Variants in CPVL observed in about 807,000 individuals in gnomAD.
CPVL encodes the protein probable serine carboxypeptidase CPVL.
A neutral mutation model predicts 63.7 loss-of-function variants in CPVL; 51 were observed. The observed-to-expected ratio is 0.80, with a 90% CI of 0.64 to 1.01. CPVL has a LOEUF of 1.01. Ranked by LOEUF, CPVL falls within the 50% of genes least tolerant of loss-of-function variation. The probability of loss-of-function intolerance (pLI) is 0.00; values close to 1 mark genes in which losing one functional copy is unlikely to be tolerated. For missense variants in CPVL, 530 were observed against 573.1 expected, an observed-to-expected ratio of 0.92 and a Z score of 0.77; for synonymous variants, 195 against 206.0, an observed-to-expected ratio of 0.95 and a Z score of 0.46.
chr7:29,099,681 C>A (rs1786875473), intron 3 of CPVL, among the ~76,000 whole-genome samples: 1 of 152,222 alleles, frequency 6.6e-6, no homozygotes, highest in African/African-American at 2.4e-5. Context: ...CACTACACTT[C>A]AGCCTGGGCA....
At chr7:29,190,540 C>T (rs1020095438) in intron 1 of CPVL, among the ~76,000 whole-genome samples, 1 of 152,126 alleles carries the variant, frequency 6.6e-6, no homozygotes, top group Non-Finnish European at 1.5e-5. Flanking sequence ...ATTACACCAC[C>T]ATAAGAGCTA....
At chr7:29,138,540 A>G (rs1239959301) in intron 1 of CPVL, among the ~76,000 whole-genome samples, 1 of 152,216 alleles carries the variant, frequency 6.6e-6, no homozygotes, top group Admixed American at 6.5e-5. Context: ...GGATGATCCC[A>G]GATGTGACTT....
intron 5 of CPVL, among the ~76,000 whole-genome samples, chr7:29,158,683 A>T (rs1258083362): frequency 6.6e-6 from 1 of 152,232 alleles, no homozygotes; most frequent in Non-Finnish European, 1.5e-5. Context: ...GTCATTAGAC[A>T]TGGCCGTAGA....
chr7:29,117,732 T>C (rs904346995), intron 2 of CPVL, among the ~76,000 whole-genome samples: 1 of 152,206 alleles, frequency 6.6e-6, no homozygotes, highest in Non-Finnish European at 1.5e-5. Context: ...ACAATGCTTA[T>C]GGATTCTTCA....
intron 5 of CPVL, among the ~76,000 whole-genome samples, chr7:29,173,916 C>T (rs1796929706): frequency 6.6e-6 from 1 of 150,444 alleles, no homozygotes; most frequent in East Asian, 1.9e-4. Context: ...CACACCACTG[C>T]ACTCCAGCCT....
chr7:29,179,182 G>A (rs1797752337), intron 5 of CPVL, among the ~76,000 whole-genome samples: 1 of 152,180 alleles, frequency 6.6e-6, no homozygotes, highest in African/African-American at 2.4e-5. Flanking sequence ...GCTTATTTGT[G>A]TTAGGCCATG....
chr7:29,135,825 G>C (rs1488533322), intron 1 of CPVL, among the ~76,000 whole-genome samples: 1 of 152,102 alleles, frequency 6.6e-6, no homozygotes, highest in African/African-American at 2.4e-5. Context: ...TAGCCTCCCA[G>C]AGTGCTGCTA....
chr7:29,188,161 G>A (rs1798954349), intron 1 of CPVL, among the ~76,000 whole-genome samples: 1 of 152,154 alleles, frequency 6.6e-6, no homozygotes, highest in South Asian at 2.1e-4. Context: ...TTGCTCTAAG[G>A]AACAGAGGCC....
intron 5 of CPVL, among the ~76,000 whole-genome samples, chr7:29,093,103 T>C (rs1220399852): frequency 1.3e-5 from 2 of 152,074 alleles, no homozygotes; most frequent in Admixed American, 6.6e-5. Context: ...GAAGAAACTC[T>C]TGGTTGGCGC....
intron 6 of CPVL, among the ~76,000 whole-genome samples, chr7:29,090,302 G>A (rs1029130011): frequency 6.6e-6 from 1 of 152,184 alleles, no homozygotes; most frequent in Non-Finnish European, 1.5e-5. Flanking sequence ...ACCCGTGAAG[G>A]GAGCCTCTTC....
chr7:29,008,255 G>C (rs1275675794), intron 12 of CPVL, among the ~76,000 whole-genome samples: 1 of 152,176 alleles, frequency 6.6e-6, no homozygotes, highest in Non-Finnish European at 1.5e-5. Context: ...GTTGGGAAAG[G>C]AAACAGAGGC....
At chr7:29,118,841 AC>A (rs1486740565) in intron 2 of CPVL, among the ~76,000 whole-genome samples, 1 of 152,178 alleles carries the variant, frequency 6.6e-6, no homozygotes, top group African/African-American at 2.4e-5. Context: ...TGCCAGCTTC[AC>A]AGGCACCATC....
intron 2 of CPVL, among the ~76,000 whole-genome samples, chr7:29,186,288 T>C (rs1192128766): frequency 6.6e-6 from 1 of 152,070 alleles, no homozygotes; most frequent in African/African-American, 2.4e-5. Flanking sequence ...TAGGTTCAAA[T>C]TGAAAAACAT....
At position 29,112,731 on chromosome 7, in the gene CPVL, G is replaced by A. The variant is rs1040403947; in HGVS notation, c.261C>T (p.Asn87=). Residue 87 remains asparagine, a synonymous_variant, in exon 3 of 13, where the codon AAC becomes AAT. Transcript: ENST00000265394. ...GAGCTGGGAAGAACCAGAAGAAGAG[G>A]TTGCTGTTGTAAGTCTTATTCACGG... ...FLTVNKTYNS[N]LFFWFFPAQI... 6.2e-7 allele frequency: 1 copy of A among 1,613,068 alleles called. No homozygotes were observed. Among genetic ancestry groups the A allele is most frequent in the African/African-American group, 1.3e-5 (1 of 74,818 alleles).
chr7:29,016,511 G>A (rs993456891), intron 12 of CPVL, among the ~76,000 whole-genome samples: 5 of 152,064 alleles, frequency 3.3e-5, no homozygotes, highest in East Asian at 3.9e-4. Flanking sequence ...TCAGGGTGGC[G>A]TGCTCCTTCC....
chr7:29,070,494 CCT>C (rs1164396448), intron 9 of CPVL, among the ~76,000 whole-genome samples: 1 of 152,170 alleles, frequency 6.6e-6, no homozygotes, highest in African/African-American at 2.4e-5. Context: ...TCCTTCGTCC[CCT>C]CTGTGACTAC....
In CPVL at chr7:29,102,698, G is replaced by A. The variant is rs73684592; in HGVS notation, c.289-6481C>T. ...TGGGCCCTTTATTGGAGCACAAGAA[G>A]CAACTATGGCTTTGCCTCAGAAGCC... On this transcript the variant is annotated intron_variant, in intron 3 of 12. Coordinates refer to ENST00000265394, the MANE Select transcript of CPVL (RefSeq NM_031311.5). 1.5e-3 allele frequency among the ~76,000 whole-genome samples: 234 copies of A among 152,248 alleles called. 1 individual carries two copies. Among genetic ancestry groups the A allele is most frequent in the African/African-American group, 5.2e-3 (217 of 41,570 alleles).
intron 1 of CPVL, chr7:29,191,607 T>C (rs544634037): frequency 1.3e-5 from 2 of 152,352 alleles, no homozygotes; most frequent in African/African-American, 4.8e-5. Context: ...TTTTTATTCT[T>C]AAGAAGCCCA....
rs546025045 is a variant in CPVL, at chr7:29,052,789, A to G, written c.1137+11272T>C. On this transcript the variant is annotated intron_variant, in intron 11 of 12. Transcript: ENST00000265394. ...CCAGGTGTGGTGACATGCACCTGTA[A>G]TCCCAGCTATTCAGGAGGCTGAGGC... 1.6e-3 allele frequency among the ~76,000 whole-genome samples: 240 copies of G among 152,178 alleles called. 1 individual carries two copies. Among genetic ancestry groups the G allele is most frequent in the African/African-American group, 5.3e-3 (221 of 41,512 alleles).
Sources: allele counts gnomAD v4.1 joint callset (sites outside exome capture counted in the v4.1 genomes callset), GRCh38; gene constraint gnomAD v4.1.1; transcripts MANE v1.5; gene names NCBI Gene and HGNC (gene_info 2026-07-23, HGNC 2026-07-21).